LRRIQ1: variants seen among roughly 807,000 people sequenced by gnomAD.
LRRIQ1 encodes the protein leucine-rich repeat- and IQ domain-containing protein 1.
Under a neutral mutation model 211.9 loss-of-function variants are expected in LRRIQ1, and 210 were observed. The observed-to-expected ratio is 0.99, with a 90% confidence interval of 0.89 to 1.11. The LOEUF (loss-of-function observed/expected upper bound fraction) is 1.11, where lower values mean the gene tolerates loss of function less well. LRRIQ1 is among the 50% of genes most tolerant of loss of function. LRRIQ1 has a pLI of 0.00. For synonymous variants in LRRIQ1, 699 were observed against 650.1 expected, an observed-to-expected ratio of 1.08 and a Z score of -1.14; for missense variants, 2,136 against 1,939.5, an observed-to-expected ratio of 1.10 and a Z score of -1.90.
Position 85,106,626 on chromosome 12 carries a change from A to C in LRRIQ1, c.3377+11A>C. 1.9e-6 allele frequency: 3 copies of C among 1,556,624 alleles called. No homozygotes were observed. Among genetic ancestry groups the C allele is most frequent in the Non-Finnish European group, 2.7e-6 (3 of 1,129,030 alleles). On this transcript the variant is annotated intron_variant, in intron 15 of 26. Transcript: ENST00000393217. Reference sequence around the variant, plus strand: ...AGAAACAAACTGGAGGTAAAGAGGCATTGTTGCACCCCATGTATATCCATT... The same window carrying C: ...AGAAACAAACTGGAGGTAAAGAGGCCTTGTTGCACCCCATGTATATCCATT...
chr12:85,216,183 C>G (rs1257250656), intron 24 of LRRIQ1, among the ~76,000 whole-genome samples: 1 of 152,122 alleles, frequency 6.6e-6, no homozygotes, highest in African/African-American at 2.4e-5. Context: ...CCCCGCACCC[C>G]CTGACAGGCC....
intron 24 of LRRIQ1, among the ~76,000 whole-genome samples, chr12:85,203,359 A>G (rs927346354): frequency 1.6e-4 from 24 of 152,112 alleles, no homozygotes; most frequent in African/African-American, 5.3e-4. Flanking sequence ...AAAATGGACT[A>G]ATACAGTAAA....
At chr12:85,219,224 G>A (rs1894290812) in intron 24 of LRRIQ1, among the ~76,000 whole-genome samples, 1 of 152,054 alleles carries the variant, frequency 6.6e-6, no homozygotes, top group Non-Finnish European at 1.5e-5. Flanking sequence ...AGATATTAGT[G>A]AGGAAATACA....
chr12:85,248,160 G>C (rs1004140576), downstream of LRRIQ1, among the ~76,000 whole-genome samples: 1 of 151,228 alleles, frequency 6.6e-6, no homozygotes, highest in African/African-American at 2.4e-5. Flanking sequence ...TTTATTGTTA[G>C]AGCAATTTAT....
intron 26 of LRRIQ1, among the ~76,000 whole-genome samples, chr12:85,243,200 TG>T: frequency 7.8e-6 from 1 of 128,612 alleles, no homozygotes; most frequent in African/African-American, 4.8e-5. Context: ...AACTTTTGAC[TG>T]TTTTTTTTTT....
chr12:85,131,279 T>G (rs1888742132), intron 18 of LRRIQ1, among the ~76,000 whole-genome samples: 1 of 151,774 alleles, frequency 6.6e-6, no homozygotes, highest in Non-Finnish European at 1.5e-5. Flanking sequence ...CCATAAAATC[T>G]CCCACAGACA....
intron 3 of LRRIQ1, among the ~76,000 whole-genome samples, chr12:85,042,399 TTTATC>T (rs1878995642): frequency 6.7e-6 from 1 of 148,768 alleles, no homozygotes; most frequent in Non-Finnish European, 1.5e-5. Context: ...AATTATTAAA[TTTATC>T]TTAGTAAAAT....
Position 85,104,065 on chromosome 12 carries a change from A to C in LRRIQ1, c.3271A>C (p.Asn1091His), listed in dbSNP as rs369289281. 6.5e-6 allele frequency: 10 copies of C among 1,547,218 alleles called. No individual in the cohort carries two copies. The highest frequency in any genetic ancestry group is 4.2e-5 in the African/African-American group (3 of 71,922). Residue 1091 changes from asparagine (N) to histidine (H), a missense_variant, in exon 14 of 27, where the codon AAT becomes CAT. By Grantham distance (68) the Asn-to-His change is moderately conservative (BLOSUM62 1). Transcript: ENST00000393217. Reference sequence around the variant, plus strand: ...ATTGGAAAAGCTAGATGTCAGCCACAATTGTCTTTCTGGTAAGTTTAGCAT... The same window carrying C: ...ATTGGAAAAGCTAGATGTCAGCCACCATTGTCTTTCTGGTAAGTTTAGCAT... The part of the protein sequence containing the change: ...VSLEKLDVSH[N>H]CLSDLKSAIK...
Position 85,038,254 on chromosome 12 carries a change from A to C in LRRIQ1, c.78A>C (p.Lys26Asn). Residue 26 changes from lysine (K) to asparagine (N), a missense_variant, in exon 2 of 27, where the codon AAA becomes AAC. Physicochemically the swap from Lys to Asn is moderately conservative, Grantham distance 94 (BLOSUM62 0). Transcript: ENST00000393217. ...AACTCAGCATTTCCTCCTTGGAAAA[A>C]GAAGACATTGAGAGTGATGCAAAAT... ...LDKLSISSLE[K>N]EDIESDAKSE... The C allele has an allele frequency of 6.3e-7, 1 of 1,588,812 alleles. No homozygotes were observed.
chr12:85,056,087 A>G lies in LRRIQ1; in HGVS notation c.1294A>G (p.Lys432Glu), dbSNP rs769801628. ...IAKNLVDENS[K>E]KQEDVLLWLV... ...CAAAAATCTAGTGGATGAAAATTCA[A>G]AGAAGCAGGAAGATGTTCTCCTTTG... The change falls in exon 8 of 27, where the codon AAG becomes GAG. Residue 432 changes from lysine to glutamate, a missense_variant. By Grantham distance (56) the Lys-to-Glu change is moderately conservative. Coordinates refer to ENST00000393217, the MANE Select transcript of LRRIQ1 (RefSeq NM_001079910.2). The G allele has an allele frequency of 2.5e-6, 4 of 1,596,976 alleles. No individual in the cohort carries two copies. The Admixed American group carries it at 5.4e-5, about 22-fold the overall frequency.
rs373960866 is a variant in LRRIQ1 at position 85,124,155 on chromosome 12, C to T, written c.3643C>T (p.His1215Tyr). ...ACTTAGTACTGAATACCGACATGCA[C>T]ACGAACGAGGGGATGTAACTATCAC... ...MILSTEYRHA[H>Y]ERGDVTITKK... Residue 1215 changes from histidine (H) to tyrosine (Y), a missense_variant, in exon 17 of 27, where the codon CAC (histidine) becomes TAC (tyrosine). Physicochemically the swap from His to Tyr is moderately conservative, Grantham distance 83 (BLOSUM62 2). Coordinates refer to ENST00000393217, the MANE Select transcript of LRRIQ1 (RefSeq NM_001079910.2). The T allele has an allele frequency of 6.2e-7, 1 of 1,614,044 alleles. No individual in the cohort carries two copies. Among genetic ancestry groups the T allele is most frequent in the Non-Finnish European group, 8.5e-7 (1 of 1,179,982 alleles).
At chr12:85,269,030 A>G (rs1896481483), downstream of LRRIQ1, among the ~76,000 whole-genome samples, 1 of 151,966 alleles carries the variant, frequency 6.6e-6, no homozygotes, top group Non-Finnish European at 1.5e-5. Context: ...TGAATTAACG[A>G]AAGCATTTTA....
intron 11 of LRRIQ1, among the ~76,000 whole-genome samples, chr12:85,093,989 G>A (rs981834755): frequency 6.6e-6 from 1 of 152,214 alleles, no homozygotes. Flanking sequence ...CAGGCTAGAA[G>A]AGGATCAACT....
intron 24 of LRRIQ1, among the ~76,000 whole-genome samples, chr12:85,212,974 T>C (rs940861916): frequency 4.0e-5 from 6 of 151,140 alleles, no homozygotes; most frequent in African/African-American, 7.3e-5. Flanking sequence ...AGATGGCATA[T>C]AGAAGGCACA....
chr12:85,254,249 CTCTTT>C (rs949216100), intron 1 of LRRIQ1, among the ~76,000 whole-genome samples: 1 of 152,090 alleles, frequency 6.6e-6, no homozygotes, highest in African/African-American at 2.4e-5. Context: ...CCAATTAAAC[CTCTTT>C]TCTTCATAAA....
intron 18 of LRRIQ1, among the ~76,000 whole-genome samples, chr12:85,132,376 C>A (rs1888829077): frequency 6.6e-6 from 1 of 152,066 alleles, no homozygotes; most frequent in Admixed American, 6.6e-5. Context: ...ATGCAGGGTA[C>A]CTCCCTAGCA....
chr12:85,056,416 G>GA lies in LRRIQ1; in HGVS notation c.1626dup (p.His543ThrfsTer5), dbSNP rs1449113078. On this transcript the variant is annotated frameshift_variant, in exon 8 of 27. Transcript: ENST00000393217. LOFTEE classifies it high-confidence loss of function. ...ATGCACAAAAAGAAGAAAAAATCAT[G>GA]AAACATGTCATAAATGAGAATACAG... is the stretch of plus-strand genomic sequence containing the variant. 1 of 1,588,414 alleles carries GA rather than the reference G, an allele frequency of 6.3e-7. No individual in the cohort carries two copies. Among genetic ancestry groups the GA allele is most frequent in the African/African-American group, 1.4e-5 (1 of 73,188 alleles).
Position 85,056,907 on chromosome 12 carries a change from A to T in LRRIQ1, c.2114A>T (p.Lys705Ile), listed in dbSNP as rs141045877. The part of the protein sequence containing the change: ...SMVSKEVNSL[K>I]SEIRNISEKC... ...GTATCTAAAGAAGTCAACTCTCTTA[A>T]ATCTGAGATTAGAAATATTTCAGAA... The change falls in exon 8 of 27, where the codon AAA (lysine) becomes ATA (isoleucine). Residue 705 changes from lysine to isoleucine, a missense_variant. Lys to Ile is a moderately radical substitution (Grantham distance 102). Transcript: ENST00000393217. The T allele has an allele frequency of 6.8e-4, 1,098 of 1,613,258 alleles. 3 individuals carry two copies. The highest frequency in any genetic ancestry group is 1.7e-3 in the Admixed American group (103 of 59,924).
In LRRIQ1 at chr12:85,050,374, A is replaced by G. The variant is rs565943032; in HGVS notation, c.679-1803A>G. On this transcript the variant is annotated intron_variant, in intron 6 of 26. Transcript: ENST00000393217. ...CAAATGACCGTTGATAACCAAATCT[A>G]CAATTGTATCAAAACAAGGTAGACT... Among the ~76,000 whole-genome samples the G allele has an allele frequency of 5.7e-4, 87 of 152,316 alleles. 2 individuals are homozygous for G. The highest frequency in any genetic ancestry group is 2.8e-4 in the Non-Finnish European group (19 of 68,026).
Sources: gnomAD v4.1 joint callset for allele counts (sites outside exome capture counted in the v4.1 genomes callset) on GRCh38, gnomAD v4.1.1 for gene constraint, MANE v1.5 for transcripts, NCBI Gene and HGNC (gene_info 2026-07-23, HGNC 2026-07-21) for gene names.